GIPC2: variants seen among roughly 807,000 people sequenced by gnomAD.
The protein encoded by GIPC2 is GIPC PDZ domain containing family member 2.
A neutral mutation model predicts 30.6 loss-of-function variants in GIPC2; 30 were observed. The observed-to-expected ratio is 0.98, with a 90% CI of 0.73 to 1.33. The LOEUF (loss-of-function observed/expected upper bound fraction) is 1.33. GIPC2 is among the 40% of genes most tolerant of loss of function. The pLI is 0.00. For missense variants in GIPC2, 414 were observed against 390.3 expected (o/e 1.06, Z -0.51); for synonymous variants, 167 against 150.0 (o/e 1.11, Z -0.83).
intron 1 of GIPC2, among the ~76,000 whole-genome samples, chr1:78,058,510 T>C (rs7539956): frequency 2.6e-5 from 4 of 151,976 alleles, no homozygotes; most frequent in African/African-American, 9.7e-5. Context: ...AAGGTGAAGA[T>C]GACATAGCCC....
In GIPC2 at chr1:78,137,446, G is replaced by A. The variant is rs1047586680; in HGVS notation, c.*1703G>A. On this transcript the variant is annotated 3_prime_UTR_variant, in exon 6 of 6. Coordinates refer to ENST00000370759, the MANE Select transcript of GIPC2 (RefSeq NM_017655.6). The stretch of plus-strand genomic sequence containing the variant: ...GCACTAGATATTAGATTTGAAATAA[G>A]TCATTGTTCATTATTGATGGTTGTC... 1 of 152,118 alleles carries A rather than the reference G, an allele frequency of 6.6e-6. No individual in the cohort carries two copies. The highest frequency in any genetic ancestry group is 2.4e-5 in the African/African-American group (1 of 41,438). 9.4% of individuals were successfully genotyped at this position (152,118 alleles called of 1,614,324 possible).
chr1:78,112,990 G>T (rs546912173), intron 3 of GIPC2, among the ~76,000 whole-genome samples: 1 of 152,178 alleles, frequency 6.6e-6, no homozygotes. Context: ...GTAAGAAACC[G>T]GCACTCGTAC....
chr1:78,127,639 A>G (rs952404369), intron 5 of GIPC2, among the ~76,000 whole-genome samples: 3 of 152,124 alleles, frequency 2.0e-5, no homozygotes, highest in African/African-American at 7.2e-5. Flanking sequence ...CCTCCTATAA[A>G]TTTTATTTAA....
chr1:78,127,817 G>A (rs537310483), intron 5 of GIPC2, among the ~76,000 whole-genome samples: 3 of 152,190 alleles, frequency 2.0e-5, no homozygotes, highest in South Asian at 2.1e-4. Context: ...AGCCTCCCAC[G>A]TAGCTAGGAC....
chr1:78,107,437 G>A (rs1662375744), intron 3 of GIPC2, among the ~76,000 whole-genome samples: 1 of 152,086 alleles, frequency 6.6e-6, no homozygotes, highest in Non-Finnish European at 1.5e-5. Flanking sequence ...GACCTACCAT[G>A]CCCGGCTGAC....
chr1:78,120,110 A>C (rs1356715876), intron 4 of GIPC2, among the ~76,000 whole-genome samples: 1 of 152,224 alleles, frequency 6.6e-6, no homozygotes, highest in African/African-American at 2.4e-5. Flanking sequence ...TGATCCTTAA[A>C]ATATGCAAGA....
chr1:78,065,032 A>T (rs1005896054), intron 1 of GIPC2, among the ~76,000 whole-genome samples: 1 of 152,116 alleles, frequency 6.6e-6, no homozygotes, highest in Admixed American at 6.5e-5. Context: ...GGTGTGAGCC[A>T]CTGTGCCCGG....
Position 78,138,003 on chromosome 1 carries a change from T to TTTCA in GIPC2, c.*2262_*2263insCATT, listed in dbSNP as rs200613851. ...CTGTCCTTTTCACTTTTCTGTAGGC[T>TTTCA]TTTTTTTTTTAAATGGAAGATGATT... On this transcript the variant is annotated 3_prime_UTR_variant, in exon 6 of 6. Transcript: ENST00000370759. The TTTCA allele has an allele frequency of 1.4e-5, 2 of 143,258 alleles. No individual in the cohort carries two copies. The highest frequency in any genetic ancestry group is 5.4e-5 in the African/African-American group (2 of 36,930). The allele number at this position is 143,258 out of a possible 1,614,324, so 8.9% of individuals were successfully genotyped here. A position where few individuals can be genotyped will look rare whatever the true frequency, so the allele number is the denominator to read the frequency against.
At chr1:78,072,339 G>C (rs1267092009) in intron 1 of GIPC2, among the ~76,000 whole-genome samples, 1 of 152,214 alleles carries the variant, frequency 6.6e-6, no homozygotes, top group Admixed American at 6.5e-5. Flanking sequence ...GTACAAATAA[G>C]AGAGATGAGC....
intron 5 of GIPC2, among the ~76,000 whole-genome samples, chr1:78,126,498 A>G (rs1360851683): frequency 6.6e-6 from 1 of 152,192 alleles, no homozygotes; most frequent in Non-Finnish European, 1.5e-5. Context: ...TACCAGTTGC[A>G]AATGACTAAA....
chr1:78,100,983 T>G (rs866713775), intron 3 of GIPC2, among the ~76,000 whole-genome samples: 22 of 119,584 alleles, frequency 1.8e-4, no homozygotes, highest in African/African-American at 4.9e-4. Flanking sequence ...CACACACACA[T>G]ACACACGAGG....
intron 2 of GIPC2, among the ~76,000 whole-genome samples, chr1:78,089,361 A>G (rs1299219306): frequency 6.6e-6 from 1 of 152,222 alleles, no homozygotes; most frequent in Admixed American, 6.5e-5. Flanking sequence ...TTGGGGGTAT[A>G]AATATAATGA....
chr1:78,121,626 A>C (rs539200840), intron 4 of GIPC2, among the ~76,000 whole-genome samples: 1 of 152,166 alleles, frequency 6.6e-6, no homozygotes, highest in Admixed American at 6.5e-5. Context: ...GTTCTGGGAG[A>C]ATGAAAGGAC....
At chr1:78,091,722 T>C (rs1052300089) in intron 2 of GIPC2, 4 of 774,732 alleles carry the variant, frequency 5.2e-6, no homozygotes, top group Non-Finnish European at 7.2e-6. Flanking sequence ...TTGGTAGCCT[T>C]TGCATACAAG....
chr1:78,057,925 A>T lies in GIPC2; in HGVS notation c.240+11591A>T, dbSNP rs545258797. ...TTGTTGGGTTATTCTCTGAACTCTT[A>T]TAAATTATAGGTTTTCTTTTTATAC... On this transcript the variant is annotated intron_variant, in intron 1 of 5. Coordinates refer to ENST00000370759, the MANE Select transcript of GIPC2 (RefSeq NM_017655.6). 2.0e-5 allele frequency among the ~76,000 whole-genome samples: 3 copies of T among 152,332 alleles called. No individual in the cohort carries two copies. The East Asian group carries it at 5.8e-4, about 29-fold the overall frequency.
chr1:78,080,845 C>T lies in GIPC2; in HGVS notation c.411C>T (p.Gly137=). Residue 137 remains glycine (G), a synonymous_variant, in exon 2 of 6, where the codon GGC becomes GGT. Coordinates refer to ENST00000370759, the MANE Select transcript of GIPC2 (RefSeq NM_017655.6). ...LGLTITDNGV[G]YAFIKRIKDG... is the part of the protein sequence containing the mutation. ...TCACCATTACAGATAATGGTGTTGGCTATGCTTTTATAAAGGTAAGTTTTA... is the reference window on the plus strand; with the variant it reads ...TCACCATTACAGATAATGGTGTTGGTTATGCTTTTATAAAGGTAAGTTTTA... The T allele has an allele frequency of 1.3e-6, 2 of 1,586,740 alleles. No individual in the cohort carries two copies. The highest frequency in any genetic ancestry group is 3.6e-5 in the Admixed American group (2 of 56,148).
chr1:78,068,966 C>T, intron 1 of GIPC2: 1 of 478,612 alleles, frequency 2.1e-6, no homozygotes, highest in Non-Finnish European at 2.7e-6. Context: ...GCTCCTGCCC[C>T]TGCTTGGTCT....
At chr1:78,125,488 C>T in intron 4 of GIPC2, among the ~76,000 whole-genome samples, 1 of 152,168 alleles carries the variant, frequency 6.6e-6, no homozygotes, top group Non-Finnish European at 1.5e-5. Context: ...CTGTGCTCAG[C>T]CAAGTCACCT....
rs547994954 is a variant in GIPC2 at position 78,054,143 on chromosome 1, C to G, written c.240+7809C>G. Among the ~76,000 whole-genome samples the G allele has an allele frequency of 3.9e-5, 6 of 152,326 alleles. No homozygotes were observed. The East Asian group carries it at 1.2e-3, about 29-fold the overall frequency. On this transcript the variant is annotated intron_variant, in intron 1 of 5. Transcript: ENST00000370759. The stretch of plus-strand genomic sequence containing the variant: ...TCTTTGTTCCAGTAACTCCTACTCA[C>G]TTTTCTAGTCCTGTAATTTCCTCCA...
Sources: allele counts gnomAD v4.1 joint callset (sites outside exome capture counted in the v4.1 genomes callset), GRCh38; gene constraint gnomAD v4.1.1; transcripts MANE v1.5; gene names NCBI Gene and HGNC (gene_info 2026-07-23, HGNC 2026-07-21).